The following DCAF8L2 variants were observed in gnomAD, a reference collection of about 807,000 sequenced individuals.
DCAF8L2 encodes DDB1- and CUL4-associated factor 8-like protein 2.
For missense variants in DCAF8L2, 430 were observed against 490.7 expected, an observed-to-expected ratio of 0.88 and a Z score of 1.17; for synonymous variants, 200 against 190.9, an observed-to-expected ratio of 1.05 and a Z score of -0.39.
chrX:27,677,539 C>G (rs1323996759), intron 2 of DCAF8L2, among the ~76,000 whole-genome samples: 2 of 110,707 alleles, frequency 1.8e-5, no homozygotes, highest in African/African-American at 6.6e-5. Flanking sequence ...TGGCCCTGTT[C>G]CAAGTAGGAA....
intron 2 of DCAF8L2, among the ~76,000 whole-genome samples, chrX:27,643,190 A>G (rs1034560935): frequency 1.8e-5 from 2 of 111,923 alleles, no homozygotes; most frequent in African/African-American, 6.5e-5. Flanking sequence ...TTTGCATTCC[A>G]CTAACAATTC....
the DCAF8L2 span, among the ~76,000 whole-genome samples, chrX:27,483,735 ACATTTATACAC>A: frequency 6.3e-5 from 7 of 110,823 alleles, no homozygotes; most frequent in East Asian, 2.8e-4. Context: ...TTTTATACAC[ACATTTATACAC>A]CATTTATACA....
At chrX:27,500,825 A>T in the DCAF8L2 span, among the ~76,000 whole-genome samples, 16 of 111,923 alleles carry the variant, frequency 1.4e-4, no homozygotes, top group Non-Finnish European at 2.8e-4. Context: ...GAAGCAAAAG[A>T]TTAATAGACC....
chrX:27,472,740 G>T, the DCAF8L2 span, among the ~76,000 whole-genome samples: 1 of 111,883 alleles, frequency 8.9e-6, no homozygotes, highest in African/African-American at 3.3e-5. Flanking sequence ...TTTTATGACT[G>T]TATAGTATTC....
At chrX:27,628,061 G>A (rs1443605693) in intron 1 of DCAF8L2, among the ~76,000 whole-genome samples, 2 of 110,936 alleles carry the variant, frequency 1.8e-5, no homozygotes, top group Non-Finnish European at 3.8e-5. Flanking sequence ...CTAGCATAAC[G>A]TACTTTATAC....
chrX:27,627,141 T>C (rs6630530), intron 1 of DCAF8L2, among the ~76,000 whole-genome samples: 19,228 of 108,614 alleles, frequency 0.18, 1,450 homozygotes, highest in East Asian at 0.4. Flanking sequence ...GGCTGGTATT[T>C]CATTAGAATA....
chrX:27,563,254 A>G, the DCAF8L2 span, among the ~76,000 whole-genome samples: 1 of 111,551 alleles, frequency 9.0e-6, no homozygotes, highest in African/African-American at 3.3e-5. Context: ...CCATCCACCT[A>G]TCCATCTTTC....
the DCAF8L2 span, among the ~76,000 whole-genome samples, chrX:27,527,793 AGGTGCCCACCACCATGCCTG>A: frequency 9.2e-6 from 1 of 108,587 alleles, no homozygotes; most frequent in African/African-American, 3.3e-5. Flanking sequence ...CTGGGACTAC[AGGTGCCCACCACCATGCCTG>A]GCTAATTTTT....
intron 2 of DCAF8L2, among the ~76,000 whole-genome samples, chrX:27,633,996 A>T (rs766188590): frequency 9.0e-6 from 1 of 111,701 alleles, no homozygotes; most frequent in Non-Finnish European, 1.9e-5. Flanking sequence ...AAATTTGATG[A>T]ATCGACTATA....
the DCAF8L2 span, among the ~76,000 whole-genome samples, chrX:27,567,271 G>C: frequency 2.3e-4 from 25 of 109,136 alleles, no homozygotes; most frequent in Admixed American, 1.9e-3. Flanking sequence ...CCAGTCAGCT[G>C]TTTCTTTATT....
chrX:27,501,315 G>A, the DCAF8L2 span, among the ~76,000 whole-genome samples: 5 of 107,369 alleles, frequency 4.7e-5, no homozygotes, highest in Non-Finnish European at 9.6e-5. Context: ...GTTGCTTAAG[G>A]AGATGTCATG....
the DCAF8L2 span, among the ~76,000 whole-genome samples, chrX:27,571,346 G>A: frequency 1.8e-5 from 2 of 111,787 alleles, no homozygotes; most frequent in East Asian, 5.6e-4. Context: ...TCTGTCAAAG[G>A]TCAGCTCTCT....
chrX:27,740,237 C>G (rs1381010305), intron 4 of DCAF8L2, among the ~76,000 whole-genome samples: 1 of 111,788 alleles, frequency 8.9e-6, no homozygotes, highest in Non-Finnish European at 1.9e-5. Flanking sequence ...CCATATTGAA[C>G]TCATCAGCAA....
chrX:27,484,978 A>G, the DCAF8L2 span, among the ~76,000 whole-genome samples: 125 of 112,004 alleles, frequency 1.1e-3, no homozygotes, highest in Middle Eastern at 4.6e-3. Context: ...ACCTAATTTG[A>G]CTAGAGAGGC....
the DCAF8L2 span, among the ~76,000 whole-genome samples, chrX:27,474,593 A>G: frequency 8.9e-6 from 1 of 112,322 alleles, no homozygotes; most frequent in Non-Finnish European, 1.9e-5. Flanking sequence ...TGGGATTAGA[A>G]GAGGTAACAG....
In DCAF8L2 at chrX:27,663,796, C is replaced by G. The variant is rs776076903; in HGVS notation, c.-219-14040C>G. Among the ~76,000 whole-genome samples the G allele has an allele frequency of 6.4e-5, 7 of 108,676 alleles. No homozygotes were observed. In the East Asian group the frequency reaches 2.0e-3, roughly 31 times the overall value. 94.4% of individuals were successfully genotyped at this position (108,676 alleles called of 115,157 possible). A position where few individuals can be genotyped will look rare whatever the true frequency, so the allele number is the denominator to read the frequency against. On this transcript the variant is annotated intron_variant, in intron 2 of 4. Transcript: ENST00000451261. The stretch of plus-strand genomic sequence containing the variant: ...CACTGCAATCTCCACCTCCCAGATT[C>G]AAGCAATTCTCTTGTCTCAGCCTCC...
chrX:27,543,964 C>A, the DCAF8L2 span, among the ~76,000 whole-genome samples: 1 of 112,124 alleles, frequency 8.9e-6, no homozygotes, highest in African/African-American at 3.2e-5. Context: ...ACAAAGCTGT[C>A]TTTTGTGAGA....
At chrX:27,491,205 A>G in the DCAF8L2 span, among the ~76,000 whole-genome samples, 1 of 112,141 alleles carries the variant, frequency 8.9e-6, no homozygotes, top group Non-Finnish European at 1.9e-5. Flanking sequence ...TTTTATTCTA[A>G]ATCATTTACT....
chrX:27,519,711 TAAG>T, the DCAF8L2 span: 1 of 576,170 alleles, frequency 1.7e-6, no homozygotes, highest in Non-Finnish European at 3.2e-6. Flanking sequence ...ATGCGCGTGT[TAAG>T]AAGCAACTTC....
Sources: allele counts gnomAD v4.1 joint callset (sites outside exome capture counted in the v4.1 genomes callset), GRCh38; gene constraint gnomAD v4.1.1; transcripts MANE v1.5; gene names NCBI Gene and HGNC (gene_info 2026-07-23, HGNC 2026-07-21).